The following MAPK8 variants were observed in gnomAD, a reference collection of about 807,000 sequenced individuals.
The protein encoded by MAPK8 is mitogen-activated protein kinase 8, also known as JUN N-terminal kinase.
A neutral mutation model predicts 52.9 loss-of-function variants in MAPK8; 13 were observed. The ratio of observed to expected loss-of-function variants is 0.25; its 90% CI spans 0.16 to 0.39. MAPK8 has a LOEUF of 0.39. Among genes scored for constraint, MAPK8 ranks in the 10% least tolerant of loss-of-function variants. MAPK8 has a pLI of 1.00. For synonymous variants in MAPK8, 191 were observed against 169.8 expected (o/e 1.12, Z -0.97); for missense variants, 300 against 519.2 (o/e 0.58, Z 4.10).
intron 1 of MAPK8, among the ~76,000 whole-genome samples, chr10:48,375,286 C>T (rs932663502): frequency 1.3e-5 from 2 of 152,128 alleles, no homozygotes; most frequent in Non-Finnish European, 2.9e-5. Flanking sequence ...CAATATTGTA[C>T]TGATTGGGCA....
chr10:48,374,695 T>C (rs1469390076), intron 1 of MAPK8, among the ~76,000 whole-genome samples: 2 of 152,160 alleles, frequency 1.3e-5, no homozygotes, highest in Admixed American at 6.6e-5. Context: ...CAGGAAAAAG[T>C]TGAATCCCTG....
chr10:48,428,410 CT>C (rs1480675092), intron 10 of MAPK8, among the ~76,000 whole-genome samples: 1 of 152,144 alleles, frequency 6.6e-6, no homozygotes, highest in Non-Finnish European at 1.5e-5. Flanking sequence ...TTTACCTCAT[CT>C]TAAAATAGAG....
Position 48,425,830 on chromosome 10 carries a change from T to TAC in MAPK8, c.689-57_689-56insCA, listed in dbSNP as rs376494413. ...AATTTCTATTTTCTTGTAATATGAA[T>TAC]ATGACTAATGTATTGAACATTAGTT... On this transcript the variant is annotated intron_variant, in intron 7 of 11. Transcript: ENST00000374189. 0.52 allele frequency: 477,894 copies of TAC among 924,400 alleles called. 126,893 individuals carry two copies. The highest frequency in any genetic ancestry group is 0.65 in the East Asian group (24,886 of 38,568). 57.3% of individuals were successfully genotyped at this position (924,400 alleles called of 1,614,324 possible).
At chr10:48,376,854 A>T (rs933668556) in intron 1 of MAPK8, among the ~76,000 whole-genome samples, 2 of 152,214 alleles carry the variant, frequency 1.3e-5, no homozygotes, top group Non-Finnish European at 2.9e-5. Context: ...TGACCCAGCA[A>T]TCCCATTACT....
rs569688064 is a variant in MAPK8, at chr10:48,352,622, A to G, written c.-50+45801A>G. Reference sequence around the variant, plus strand: ...CTAGGAATAGAAGCAAACTTCCTCAACTGGATAAAGAATATTTATAGAAAA... The same window carrying G: ...CTAGGAATAGAAGCAAACTTCCTCAGCTGGATAAAGAATATTTATAGAAAA... On this transcript the variant is annotated intron_variant, in intron 1 of 11. Transcript: ENST00000374189. 5.3e-5 allele frequency among the ~76,000 whole-genome samples: 8 copies of G among 152,366 alleles called. No individual in the cohort carries two copies. In the South Asian group the frequency reaches 1.7e-3, roughly 32 times the overall value.
chr10:48,379,563 C>G (rs2040864829), intron 1 of MAPK8, among the ~76,000 whole-genome samples: 1 of 152,028 alleles, frequency 6.6e-6, no homozygotes, highest in African/African-American at 2.4e-5. Context: ...CTTTTCCCCA[C>G]AAAAGTATAC....
chr10:48,426,229 T>A, intron 8 of MAPK8, 151 bp from the exon 9 acceptor site: 1 of 882,144 alleles, frequency 1.1e-6, no homozygotes, highest in Non-Finnish European at 1.6e-6. Flanking sequence ...TTTTTTTCTT[T>A]AATCTTATAT....
At chr10:48,371,699 T>A (rs1848540666) in intron 1 of MAPK8, among the ~76,000 whole-genome samples, 1 of 152,054 alleles carries the variant, frequency 6.6e-6, no homozygotes, top group African/African-American at 2.4e-5. Context: ...GAAAACAGCA[T>A]CAGATCCCAC....
chr10:48,396,349 T>C (rs912236896), intron 1 of MAPK8, among the ~76,000 whole-genome samples: 1 of 152,096 alleles, frequency 6.6e-6, no homozygotes, highest in African/African-American at 2.4e-5. Context: ...GAAAAGATGC[T>C]CAACATGATT....
At chr10:48,317,783 C>T (rs186933749) in intron 1 of MAPK8, among the ~76,000 whole-genome samples, 9 of 152,208 alleles carry the variant, frequency 5.9e-5, no homozygotes, top group Admixed American at 4.6e-4. Flanking sequence ...TTCATCTTCT[C>T]TGTGGTTTCT....
At chr10:48,412,291 G>A (rs369412873) in intron 5 of MAPK8, among the ~76,000 whole-genome samples, 3 of 152,038 alleles carry the variant, frequency 2.0e-5, no homozygotes, top group South Asian at 2.1e-4. Flanking sequence ...TTTGTCTTTC[G>A]CTTTCAACAG....
chr10:48,382,906 G>GTA (rs1219081929), intron 1 of MAPK8, among the ~76,000 whole-genome samples: 481 of 133,766 alleles, frequency 3.6e-3, no homozygotes, highest in African/African-American at 8.1e-3. Flanking sequence ...ATAGCTATGT[G>GTA]TATATATATA....
At chr10:48,347,966 T>C (rs1333392707) in intron 1 of MAPK8, among the ~76,000 whole-genome samples, 2 of 152,232 alleles carry the variant, frequency 1.3e-5, no homozygotes, top group Non-Finnish European at 2.9e-5. Context: ...CCTTGAGGAA[T>C]CGCCAACTGT....
chr10:48,336,662 A>G (rs1247035213), intron 1 of MAPK8, among the ~76,000 whole-genome samples: 1 of 152,208 alleles, frequency 6.6e-6, no homozygotes, highest in African/African-American at 2.4e-5. Flanking sequence ...ACTTTTTCAA[A>G]AGAAAAAATA....
At chr10:48,309,734 T>C (rs990433882) in intron 1 of MAPK8, among the ~76,000 whole-genome samples, 1 of 152,168 alleles carries the variant, frequency 6.6e-6, no homozygotes, top group Non-Finnish European at 1.5e-5. Context: ...CGGGTTGAAT[T>C]TTGACATATT....
rs1057206892 is a variant in MAPK8 at position 48,436,010 on chromosome 10, T to TG, written c.*983dup. 6.6e-6 allele frequency: 1 copy of TG among 152,312 alleles called. No individual in the cohort carries two copies. The highest frequency in any genetic ancestry group is 6.5e-5 in the Admixed American group (1 of 15,302). 9.4% of individuals were successfully genotyped at this position (152,312 alleles called of 1,614,324 possible). A position where few individuals can be genotyped will look rare whatever the true frequency, so the allele number is the denominator to read the frequency against. On this transcript the variant is annotated 3_prime_UTR_variant, in exon 12 of 12. Coordinates refer to ENST00000374189, the MANE Select transcript of MAPK8 (RefSeq NM_001323329.2). Reference sequence around the variant, plus strand: ...TGGACCTTTCCTGTTTCCTATTACTTGGAGTGTCTGTCAGTTGAGCACCAG... The same window carrying TG: ...TGGACCTTTCCTGTTTCCTATTACTTGGGAGTGTCTGTCAGTTGAGCACCAG...
At chr10:48,351,100 G>C (rs1052050912) in intron 1 of MAPK8, among the ~76,000 whole-genome samples, 2 of 152,104 alleles carry the variant, frequency 1.3e-5, no homozygotes, top group Non-Finnish European at 2.9e-5. Flanking sequence ...GCCAGCCACT[G>C]CTCAAGGAAG....
intron 1 of MAPK8, among the ~76,000 whole-genome samples, chr10:48,318,436 C>T (rs1164158015): frequency 6.6e-6 from 1 of 152,116 alleles, no homozygotes. Context: ...GAAAGGGGGA[C>T]AAGGGAAATA....
In MAPK8 at chr10:48,436,564, G is replaced by A. The variant is rs1203808480; in HGVS notation, c.*1535G>A. 1 of 152,170 alleles carries A rather than the reference G, an allele frequency of 6.6e-6. No homozygotes were observed. Among genetic ancestry groups the A allele is most frequent in the Non-Finnish European group, 1.5e-5 (1 of 68,032 alleles). 9.4% of individuals were successfully genotyped at this position (152,170 alleles called of 1,614,324 possible). On this transcript the variant is annotated 3_prime_UTR_variant, in exon 12 of 12. Coordinates refer to ENST00000374189, the MANE Select transcript of MAPK8 (RefSeq NM_001323329.2). The stretch of plus-strand genomic sequence containing the variant: ...AAGGTTCTAGGCAGAAAGCCCCTTG[G>A]AATTTGTGACCAACAGGAGCAAGAA...
Sources: allele counts gnomAD v4.1 joint callset (sites outside exome capture counted in the v4.1 genomes callset), GRCh38; gene constraint gnomAD v4.1.1; transcripts MANE v1.5; gene names NCBI Gene and HGNC (gene_info 2026-07-23, HGNC 2026-07-21).